AFF2: variants seen among roughly 807,000 people sequenced by gnomAD.
AFF2 encodes the protein ALF transcription elongation factor 2.
A neutral mutation model predicts 76.9 loss-of-function variants in AFF2; 14 were observed. The observed-to-expected ratio is 0.18, with a 90% confidence interval of 0.12 to 0.28. The LOEUF (loss-of-function observed/expected upper bound fraction) is 0.28, where lower values mean the gene tolerates loss of function less well. Ranked by LOEUF, AFF2 falls within the 10% of genes least tolerant of loss-of-function variation. AFF2 has a pLI of 1.00. For missense variants in AFF2, 868 were observed against 1,001.1 expected, an observed-to-expected ratio of 0.87 and a Z score of 1.79; for synonymous variants, 398 against 366.7, an observed-to-expected ratio of 1.09 and a Z score of -0.98.
chrX:148,520,362 A>G (rs1436262598), intron 1 of AFF2, among the ~76,000 whole-genome samples: 1 of 112,111 alleles, frequency 8.9e-6, no homozygotes, highest in Non-Finnish European at 1.9e-5. Context: ...GCCGCTTTCC[A>G]TGAAAAAGTC....
intron 3 of AFF2, among the ~76,000 whole-genome samples, chrX:148,746,021 T>A (rs2055417305): frequency 1.8e-5 from 2 of 111,411 alleles, no homozygotes; most frequent in South Asian, 7.6e-4. Context: ...GGGATTACAG[T>A]TGTGAGCCAC....
intron 1 of AFF2, among the ~76,000 whole-genome samples, chrX:148,581,155 A>G (rs868985613): frequency 1.6e-5 from 1 of 63,160 alleles, no homozygotes; most frequent in Non-Finnish European, 3.3e-5. Flanking sequence ...ATATACATAT[A>G]CGTATACACA....
intron 7 of AFF2, among the ~76,000 whole-genome samples, chrX:148,857,107 A>C (rs2070794661): frequency 8.9e-6 from 1 of 112,084 alleles, no homozygotes. Context: ...GTAGGAATGG[A>C]ATCTCAGAAG....
At chrX:148,572,682 A>G (rs1284101503) in intron 1 of AFF2, among the ~76,000 whole-genome samples, 2 of 112,032 alleles carry the variant, frequency 1.8e-5, no homozygotes, top group African/African-American at 3.2e-5. Flanking sequence ...AAGGTTACAT[A>G]TTATATGATT....
chrX:148,859,181 A>C (rs2070818963), intron 7 of AFF2, among the ~76,000 whole-genome samples: 1 of 105,633 alleles, frequency 9.5e-6, no homozygotes, highest in Non-Finnish European at 1.9e-5. Flanking sequence ...CTAGATCTCC[A>C]TTTAGAAGAA....
At chrX:148,885,108 G>T (rs1158422983) in intron 7 of AFF2, among the ~76,000 whole-genome samples, 2 of 111,623 alleles carry the variant, frequency 1.8e-5, no homozygotes, top group Non-Finnish European at 3.8e-5. Context: ...TAAGCTATTC[G>T]TCCTGCTGTA....
intron 1 of AFF2, among the ~76,000 whole-genome samples, chrX:148,528,832 T>G (rs1025489036): frequency 1.2e-4 from 13 of 111,908 alleles, no homozygotes; most frequent in African/African-American, 4.2e-4. Context: ...TGGAATTTGC[T>G]TCAACTTCAC....
chrX:148,777,535 T>A (rs2069683258), intron 3 of AFF2, among the ~76,000 whole-genome samples: 1 of 111,681 alleles, frequency 9.0e-6, no homozygotes, highest in South Asian at 3.7e-4. Context: ...CTTTGAGCAG[T>A]GGTTTATAGT....
chrX:148,606,605 T>C (rs2053674977), intron 1 of AFF2, among the ~76,000 whole-genome samples: 1 of 111,861 alleles, frequency 8.9e-6, no homozygotes, highest in Admixed American at 9.5e-5. Flanking sequence ...CCAAGCCTTG[T>C]AGATGCTATA....
intron 9 of AFF2, among the ~76,000 whole-genome samples, chrX:148,912,038 G>A (rs894469994): frequency 2.0e-4 from 23 of 112,288 alleles, no homozygotes; most frequent in Admixed American, 5.6e-4. Flanking sequence ...TATATACACC[G>A]TGGAATACTA....
intron 9 of AFF2, among the ~76,000 whole-genome samples, chrX:148,939,032 T>C (rs1220690241): frequency 3.6e-5 from 4 of 111,182 alleles, no homozygotes; most frequent in Non-Finnish European, 7.6e-5. Flanking sequence ...CAGCATTATG[T>C]TGAATAATGA....
chrX:148,780,319 C>T (rs1557268980), intron 3 of AFF2, among the ~76,000 whole-genome samples: 1 of 111,495 alleles, frequency 9.0e-6, no homozygotes, highest in Non-Finnish European at 1.9e-5. Flanking sequence ...GGAGGTTCTC[C>T]TGGATAATAT....
intron 9 of AFF2, among the ~76,000 whole-genome samples, chrX:148,950,139 C>T (rs2071947722): frequency 8.9e-6 from 1 of 112,600 alleles, no homozygotes; most frequent in Admixed American, 9.4e-5. Context: ...TGGCCTTAAG[C>T]CAACTATTCA....
intron 1 of AFF2, among the ~76,000 whole-genome samples, chrX:148,513,502 G>A (rs1322299975): frequency 9.0e-6 from 1 of 111,376 alleles, no homozygotes. Context: ...AAATCTGTTC[G>A]GCCTACACTT....
intron 3 of AFF2, among the ~76,000 whole-genome samples, chrX:148,789,629 G>A (rs895601194): frequency 1.3e-4 from 15 of 111,348 alleles, no homozygotes; most frequent in African/African-American, 4.9e-4. Context: ...TATGGTCCCT[G>A]TAATATATTT....
chrX:148,553,199 A>C (rs2053014570), intron 1 of AFF2, among the ~76,000 whole-genome samples: 1 of 112,032 alleles, frequency 8.9e-6, no homozygotes, highest in African/African-American at 3.2e-5. Flanking sequence ...ACATTTGCTT[A>C]CATCCAGGTA....
chrX:148,964,075 T>C (rs1557288401), intron 13 of AFF2, among the ~76,000 whole-genome samples: 2 of 112,041 alleles, frequency 1.8e-5, no homozygotes, highest in Non-Finnish European at 3.8e-5. Context: ...CTTTTATCTT[T>C]AAAGTGACCC....
Position 148,874,339 on chromosome X carries a change from A to T in AFF2, c.1263-11550A>T, listed in dbSNP as rs1387014218. On this transcript the variant is annotated intron_variant, in intron 7 of 20. Transcript: ENST00000370460. ...AGTAATAGTGGAAGCAGTGGCATTT[A>T]TCAAGTGCTCACGACGAACTCTTTT... 2.0e-4 allele frequency among the ~76,000 whole-genome samples: 22 copies of T among 111,704 alleles called. No individual in the cohort carries two copies. The Admixed American group carries it at 2.1e-3, about 11-fold the overall frequency.
chrX:148,910,963 A>G (rs1367632960), intron 9 of AFF2, among the ~76,000 whole-genome samples: 2 of 111,462 alleles, frequency 1.8e-5, no homozygotes, highest in East Asian at 5.6e-4. Flanking sequence ...ATTTACATGG[A>G]CATTCCACTT....
Sources: allele counts gnomAD v4.1 joint callset (sites outside exome capture counted in the v4.1 genomes callset), GRCh38; gene constraint gnomAD v4.1.1; transcripts MANE v1.5; gene names NCBI Gene and HGNC (gene_info 2026-07-23, HGNC 2026-07-21).